Variants in CLIP4 observed in about 807,000 individuals in gnomAD.
CLIP4 encodes CAP-Gly domain containing linker protein family member 4, also known as CAP-Gly domain-containing linker protein 4.
CLIP4 carries 47 observed loss-of-function variants against 73.1 expected under a neutral mutation model. That is an observed-to-expected ratio of 0.64 (90% CI 0.51 to 0.82). The LOEUF (loss-of-function observed/expected upper bound fraction) is 0.82. Ranked by LOEUF, CLIP4 falls within the 40% of genes least tolerant of loss-of-function variation. The pLI, the probability that CLIP4 is intolerant of heterozygous loss-of-function variation, is 0.00. For synonymous variants in CLIP4, 306 were observed against 295.4 expected (o/e 1.04, Z -0.37); for missense variants, 874 against 852.9 (o/e 1.02, Z -0.31).
At chr2:29,109,237 T>C (rs546916378) in intron 1 of CLIP4, among the ~76,000 whole-genome samples, 1 of 152,292 alleles carries the variant, frequency 6.6e-6, no homozygotes, top group East Asian at 1.9e-4. Flanking sequence ...AGGCGTCTTA[T>C]TGGCCAAAAA....
At chr2:29,177,324 A>C (rs1668399933) in intron 15 of CLIP4, among the ~76,000 whole-genome samples, 2 of 151,248 alleles carry the variant, frequency 1.3e-5, no homozygotes, top group African/African-American at 4.9e-5. Flanking sequence ...CAGGGGAATC[A>C]CTTGAACCTG....
At chr2:29,172,427 T>C (rs1467631360) in intron 14 of CLIP4, among the ~76,000 whole-genome samples, 6 of 152,176 alleles carry the variant, frequency 3.9e-5, no homozygotes, top group Admixed American at 6.5e-5. Flanking sequence ...AAAGATATTT[T>C]CCCCCTGCAT....
In CLIP4 at chr2:29,148,286, C is replaced by G. The variant is rs542104450; in HGVS notation, c.1021+2919C>G. ...AGGAATTTCTCAACAATGGTTTTCT[C>G]TCTTTCCAAATCTATCATCTTTTCC... On this transcript the variant is annotated intron_variant, in intron 8 of 15. Coordinates refer to ENST00000320081, the MANE Select transcript of CLIP4 (RefSeq NM_024692.6). Among the ~76,000 whole-genome samples the G allele has an allele frequency of 2.6e-5, 4 of 152,322 alleles. No homozygotes were observed. The Middle Eastern group carries it at 0.014, about 518-fold the overall frequency.
chr2:29,175,910 C>T (rs536532393), intron 15 of CLIP4, among the ~76,000 whole-genome samples: 54 of 152,106 alleles, frequency 3.6e-4, no homozygotes, highest in Middle Eastern at 3.4e-3. Flanking sequence ...TACAGGCGCC[C>T]GCCACCACAC....
Position 29,132,254 on chromosome 2 carries a change from G to A in CLIP4, c.367+9G>A. 6.2e-7 allele frequency: 1 copy of A among 1,601,888 alleles called. No homozygotes were observed. Among genetic ancestry groups the A allele is most frequent in the Non-Finnish European group, 8.6e-7 (1 of 1,169,256 alleles). On this transcript the variant is annotated intron_variant, in intron 4 of 15. Coordinates refer to ENST00000320081, the MANE Select transcript of CLIP4 (RefSeq NM_024692.6). ...TGGAGCTCATGGTATTGGTAAGTGT[G>A]TGGTAAATCTATCAGTTGCTTATGT... is the stretch of plus-strand genomic sequence containing the variant.
chr2:29,148,730 T>C (rs1306392815), intron 8 of CLIP4, among the ~76,000 whole-genome samples: 1 of 152,208 alleles, frequency 6.6e-6, no homozygotes, highest in Non-Finnish European at 1.5e-5. Context: ...GTTTGTACTA[T>C]GAAGAGAGAG....
At chr2:29,129,901 CCACAGTGTTTTTGGACCCCATCTTTG>C in intron 2 of CLIP4, 1 of 435,698 alleles carries the variant, frequency 2.3e-6, no homozygotes, top group East Asian at 7.2e-5. Flanking sequence ...AGATTCTGAT[CCACAGTGTTTTTGGACCCCATCTTTG>C]CATTAGATTC....
chr2:29,099,663 G>A (rs1667984497), intron 1 of CLIP4, among the ~76,000 whole-genome samples: 1 of 152,130 alleles, frequency 6.6e-6, no homozygotes, highest in Non-Finnish European at 1.5e-5. Context: ...TTAAGATTGT[G>A]TTAGCTATTT....
chr2:29,178,286 T>C (rs1318007231), intron 15 of CLIP4, among the ~76,000 whole-genome samples: 2 of 152,132 alleles, frequency 1.3e-5, no homozygotes, highest in African/African-American at 4.8e-5. Flanking sequence ...TTTAAGTGAT[T>C]CTCCTGCCTC....
chr2:29,139,768 G>C (rs1665630433), intron 6 of CLIP4, among the ~76,000 whole-genome samples: 1 of 152,006 alleles, frequency 6.6e-6, no homozygotes, highest in Non-Finnish European at 1.5e-5. Context: ...AGATTTTCTA[G>C]TTTATGTGAA....
chr2:29,101,373 T>G (rs887723812), intron 1 of CLIP4, among the ~76,000 whole-genome samples: 4 of 146,648 alleles, frequency 2.7e-5, no homozygotes, highest in African/African-American at 1.0e-4. Context: ...GAAGGCCCAA[T>G]AGCCCCTGGC....
At position 29,143,734 on chromosome 2, in the gene CLIP4, ATGT is replaced by A. The variant is rs775736015; in HGVS notation, c.679_681del (p.Val227del). ...AATGACAAAGGACAGATCCCTGCTG[ATGT>A]TGTTCCAGACCCAGTAGATATGCCG... On this transcript the variant is annotated inframe_deletion, in exon 7 of 16. Transcript: ENST00000320081. The A allele has an allele frequency of 5.6e-6, 9 of 1,613,048 alleles. No individual in the cohort carries two copies. Among genetic ancestry groups the A allele is most frequent in the Non-Finnish European group, 2.5e-6 (3 of 1,179,108 alleles).
At position 29,143,826 on chromosome 2, in the gene CLIP4, C is replaced by T. The variant is rs763069759; in HGVS notation, c.766C>T (p.Pro256Ser). The change falls in exon 7 of 16, where the codon CCT becomes TCT. Residue 256 changes from proline to serine, a missense_variant. Physicochemically the swap from Pro to Ser is moderately conservative, Grantham distance 74. Transcript: ENST00000320081. ...EIKQMLLDAV[P>S]LSCNISKAML... ...CAAGCAGATGCTTCTAGATGCGGTG[C>T]CTCTGTCATGTAACATCTCAAAGGC... 3 of 1,614,086 alleles carry T rather than the reference C, an allele frequency of 1.9e-6. No individual in the cohort carries two copies. Among genetic ancestry groups the T allele is most frequent in the East Asian group, 4.5e-5 (2 of 44,884 alleles).
chr2:29,145,203 A>C (rs771492166), intron 7 of CLIP4, 29 bp from the exon 8 acceptor site: 20 of 1,599,000 alleles, frequency 1.3e-5, no homozygotes, highest in Non-Finnish European at 1.6e-5. Flanking sequence ...ATAATTCCCC[A>C]AAATTATTCT....
At chr2:29,154,985 C>G (rs1666822367) in intron 9 of CLIP4, among the ~76,000 whole-genome samples, 1 of 152,126 alleles carries the variant, frequency 6.6e-6, no homozygotes, top group Non-Finnish European at 1.5e-5. Flanking sequence ...ACATAATATT[C>G]AAAAGACACA....
At position 29,099,117 on chromosome 2, in the gene CLIP4, G is replaced by A. The variant is rs1364392729; in HGVS notation, c.-16+1170G>A. On this transcript the variant is annotated intron_variant, in intron 1 of 14. Transcript: ENST00000401605. ...GGATAACAGTCTTTACCAGACATGT[G>A]TTTTGCAAAGATTTTCTCCTAGTCT... Among the ~76,000 whole-genome samples the A allele has an allele frequency of 2.0e-5, 3 of 152,154 alleles. No individual in the cohort carries two copies. In the East Asian group the frequency reaches 5.8e-4, roughly 29 times the overall value.
chr2:29,161,800 A>G (rs992784143), intron 12 of CLIP4, among the ~76,000 whole-genome samples: 3 of 152,138 alleles, frequency 2.0e-5, no homozygotes, highest in Non-Finnish European at 2.9e-5. Context: ...TGCTAGCTCT[A>G]TCCTCCAAGG....
At chr2:29,156,299 A>T (rs959845299) in intron 9 of CLIP4, 55 bp from the exon 10 acceptor site, 1 of 1,236,864 alleles carries the variant, frequency 8.1e-7, no homozygotes, top group Non-Finnish European at 1.1e-6. Flanking sequence ...TAAAAAATAC[A>T]TTTTATGTTT....
intron 8 of CLIP4, among the ~76,000 whole-genome samples, chr2:29,149,503 A>G (rs3112916): frequency 0.88 from 132,603 of 150,118 alleles, 58,703 homozygotes; most frequent in Non-Finnish European, 0.91. Context: ...TTAAACCTAT[A>G]TTCAGTGGGC....
Sources: allele counts gnomAD v4.1 joint callset (sites outside exome capture counted in the v4.1 genomes callset), GRCh38; gene constraint gnomAD v4.1.1; transcripts MANE v1.5; gene names NCBI Gene and HGNC (gene_info 2026-07-23, HGNC 2026-07-21).